Variants in CNTLN observed in about 807,000 individuals in gnomAD.
CNTLN encodes the protein centlein, centrosomal protein.
Under a neutral mutation model 180.0 loss-of-function variants are expected in CNTLN, and 212 were observed. That is an observed-to-expected ratio of 1.18 (90% CI 1.05 to 1.32). CNTLN has a LOEUF of 1.32. CNTLN is among the 40% of genes most tolerant of loss of function. CNTLN has a pLI of 0.00. For synonymous variants in CNTLN, 722 were observed against 563.1 expected (o/e 1.28, Z -3.99); for missense variants, 2,095 against 1,610.9 (o/e 1.30, Z -5.14).
rs938718487 is a variant in CNTLN at position 17,502,784 on chromosome 9, C to A, written c.*132C>A. On this transcript the variant is annotated 3_prime_UTR_variant, in exon 26 of 26. Coordinates refer to ENST00000380647, the MANE Select transcript of CNTLN (RefSeq NM_017738.4). ...CAGGTTCAATACCAAAATAAGAAGT[C>A]TCTGAAAATAATTAATTGCTGAACA... The A allele has an allele frequency of 2.4e-6, 1 of 411,570 alleles. No individual in the cohort carries two copies. Among genetic ancestry groups the A allele is most frequent in the Non-Finnish European group, 4.4e-6 (1 of 225,142 alleles). 25.5% of individuals were successfully genotyped at this position (411,570 alleles called of 1,614,324 possible).
Position 17,330,619 on chromosome 9 carries a change from C to T in CNTLN, c.1342-13C>T. On this transcript the variant is annotated splice_polypyrimidine_tract_variant and intron_variant, in intron 8 of 25. Transcript: ENST00000380647. The stretch of plus-strand genomic sequence containing the variant: ...ACATAGATATCTATTTACAATTATA[C>T]TTTTTAAAATAGGTACCTCATCGCC... 1.4e-6 allele frequency: 2 copies of T among 1,471,106 alleles called. No homozygotes were observed. The highest frequency in any genetic ancestry group is 1.8e-6 in the Non-Finnish European group (2 of 1,087,366). 91.1% of individuals were successfully genotyped at this position (1,471,106 alleles called of 1,614,324 possible).
intron 10 of CNTLN, among the ~76,000 whole-genome samples, chr9:17,336,494 G>A (rs10738474): frequency 0.55 from 83,503 of 151,922 alleles, 23,628 homozygotes; most frequent in East Asian, 0.73. Flanking sequence ...TGACAGCAGC[G>A]TCCCCAAACA....
intron 18 of CNTLN, among the ~76,000 whole-genome samples, chr9:17,446,940 G>C (rs1050268153): frequency 6.6e-6 from 1 of 152,218 alleles, no homozygotes; most frequent in Non-Finnish European, 1.5e-5. Context: ...ATATTTCATA[G>C]TCTGTTTCTG....
the CNTLN span, among the ~76,000 whole-genome samples, chr9:17,511,671 C>CACACAT: frequency 4.0e-5 from 6 of 151,612 alleles, no homozygotes; most frequent in East Asian, 1.9e-4. Flanking sequence ...CACACACACA[C>CACACAT]GCACACGTGC....
intron 2 of CNTLN, among the ~76,000 whole-genome samples, chr9:17,174,273 A>G (rs867057593): frequency 6.6e-6 from 1 of 152,174 alleles, no homozygotes; most frequent in Non-Finnish European, 1.5e-5. Context: ...GTTTTTGACT[A>G]TTATGAATTA....
chr9:17,231,962 C>G (rs566056575), intron 3 of CNTLN, among the ~76,000 whole-genome samples: 1 of 152,028 alleles, frequency 6.6e-6, no homozygotes, highest in African/African-American at 2.4e-5. Flanking sequence ...TCTCTCTTGT[C>G]ATCCCTTATT....
Position 17,351,385 on chromosome 9 carries a change from C to T in CNTLN, c.1886+8941C>T, listed in dbSNP as rs368745804. ...CTTTCTGAACTGCAACTAAGTATAT[C>T]CAAATGTCTACACAACATCTCCTTT... On this transcript the variant is annotated intron_variant, in intron 12 of 25. Transcript: ENST00000380647. Among the ~76,000 whole-genome samples the T allele has an allele frequency of 1.8e-4, 27 of 152,262 alleles. No homozygotes were observed. The East Asian group carries it at 2.3e-3, about 13-fold the overall frequency.
At chr9:17,419,017 A>G (rs1476952459) in intron 18 of CNTLN, among the ~76,000 whole-genome samples, 1 of 152,112 alleles carries the variant, frequency 6.6e-6, no homozygotes, top group Non-Finnish European at 1.5e-5. Flanking sequence ...TTTGAACTGT[A>G]TAGGCCAAAC....
At chr9:17,407,940 A>G (rs1827524492) in intron 15 of CNTLN, among the ~76,000 whole-genome samples, 1 of 151,972 alleles carries the variant, frequency 6.6e-6, no homozygotes, top group South Asian at 2.1e-4. Context: ...AGCCTGACCA[A>G]CATGGTGAAA....
chr9:17,149,221 T>C (rs1438244793), intron 2 of CNTLN, among the ~76,000 whole-genome samples: 2 of 152,216 alleles, frequency 1.3e-5, no homozygotes, highest in African/African-American at 4.8e-5. Flanking sequence ...CTATCATTGA[T>C]GGACATTTGG....
chr9:17,413,759 G>C (rs1439794559), intron 16 of CNTLN, among the ~76,000 whole-genome samples: 1 of 152,122 alleles, frequency 6.6e-6, no homozygotes, highest in Non-Finnish European at 1.5e-5. Context: ...CTCATATATT[G>C]TTCATGTGAA....
At chr9:17,184,894 T>C (rs1479564478) in intron 2 of CNTLN, among the ~76,000 whole-genome samples, 1 of 152,170 alleles carries the variant, frequency 6.6e-6, no homozygotes, top group Admixed American at 6.5e-5. Flanking sequence ...TTCTAAAGGA[T>C]TGTAGGTTAG....
At chr9:17,352,866 C>T (rs1291987967) in intron 12 of CNTLN, among the ~76,000 whole-genome samples, 1 of 152,130 alleles carries the variant, frequency 6.6e-6, no homozygotes, top group Non-Finnish European at 1.5e-5. Context: ...AAGATTCATC[C>T]ACATTGAAGC....
the CNTLN span, among the ~76,000 whole-genome samples, chr9:17,528,255 C>G: frequency 3.2e-4 from 49 of 152,308 alleles, no homozygotes; most frequent in Admixed American, 2.7e-3. Flanking sequence ...CTGACAAACA[C>G]TACCTCAGCC....
chr9:17,330,723 C>CAAATG lies in CNTLN; in HGVS notation c.1437_1441dup (p.Lys481MetfsTer20). The CAAATG allele has an allele frequency of 1.2e-6, 2 of 1,611,774 alleles. No homozygotes were observed. The highest frequency in any genetic ancestry group is 1.7e-6 in the Non-Finnish European group (2 of 1,178,570). On this transcript the variant is annotated frameshift_variant, in exon 9 of 26. Transcript: ENST00000380647. LOFTEE classifies it high-confidence loss of function. ...TATTTACAGGAGAAACTAAAGATAG[C>CAAATG]AAATGAAAAACTGTCAGAAAACATA...
intron 18 of CNTLN, among the ~76,000 whole-genome samples, chr9:17,427,723 A>T (rs1185815495): frequency 6.6e-6 from 1 of 152,196 alleles, no homozygotes; most frequent in African/African-American, 2.4e-5. Context: ...CTGATCCTTG[A>T]AAATATTATT....
chr9:17,441,341 A>G (rs1830095468), intron 18 of CNTLN, among the ~76,000 whole-genome samples: 1 of 152,208 alleles, frequency 6.6e-6, no homozygotes, highest in Admixed American at 6.5e-5. Context: ...AGAAATTACA[A>G]TAATAGGTAT....
At chr9:17,261,956 A>G (rs193054700) in intron 5 of CNTLN, among the ~76,000 whole-genome samples, 2 of 151,696 alleles carry the variant, frequency 1.3e-5, no homozygotes, top group African/African-American at 4.9e-5. Context: ...GACATTTATG[A>G]TGCCAACAAA....
rs771098461 is a variant in CNTLN at position 17,466,879 on chromosome 9, C to T, written c.3843C>T (p.Thr1281=). The change falls in exon 23 of 26, where the codon ACC becomes ACT. Residue 1281 remains threonine, a synonymous_variant. Transcript: ENST00000380647. ...CCAATGAAAAAGTAGAAGAGTTCAC[C>T]ACATTTGTGAAGGTTTGAATTACTT... ...LLANEKVEEF[T]TFVKALAKEL... is the part of the protein sequence containing the mutation. 2.5e-6 allele frequency: 4 copies of T among 1,608,100 alleles called. No individual in the cohort carries two copies. The highest frequency in any genetic ancestry group is 1.3e-5 in the African/African-American group (1 of 74,472).
Sources: gnomAD v4.1 joint callset for allele counts (sites outside exome capture counted in the v4.1 genomes callset) on GRCh38, gnomAD v4.1.1 for gene constraint, MANE v1.5 for transcripts, NCBI Gene and HGNC (gene_info 2026-07-23, HGNC 2026-07-21) for gene names.